AGMO: variants seen among roughly 807,000 people sequenced by gnomAD.
AGMO encodes the protein glyceryl-ether monooxygenase.
In AGMO, 75 loss-of-function variants were observed where a neutral mutation model predicts 60.2. The observed-to-expected ratio is 1.25, with a 90% confidence interval of 1.03 to 1.51. The LOEUF (loss-of-function observed/expected upper bound fraction) is 1.51, where lower values mean the gene tolerates loss of function less well. AGMO is among the 40% of genes most tolerant of loss of function. The pLI, the probability that AGMO is intolerant of heterozygous loss-of-function variation, is 0.00. For missense variants in AGMO, 763 were observed against 525.5 expected, an observed-to-expected ratio of 1.45 and a Z score of -4.42; for synonymous variants, 261 against 177.1, an observed-to-expected ratio of 1.47 and a Z score of -3.76.
chr7:15,382,101 CAACA>C (rs1783717543), intron 10 of AGMO, among the ~76,000 whole-genome samples: 1 of 152,072 alleles, frequency 6.6e-6, no homozygotes, highest in Non-Finnish European at 1.5e-5. Context: ...ATAATCCATA[CAACA>C]AACCCCTCAT....
chr7:15,427,924 A>T (rs558999404), intron 4 of AGMO, among the ~76,000 whole-genome samples: 1 of 148,860 alleles, frequency 6.7e-6, no homozygotes, highest in Non-Finnish European at 1.5e-5. Flanking sequence ...TTGAATTCTT[A>T]TGTGTAACTT....
chr7:15,446,398 A>C (rs1239976216), intron 3 of AGMO, among the ~76,000 whole-genome samples: 2 of 151,752 alleles, frequency 1.3e-5, no homozygotes, highest in African/African-American at 2.4e-5. Context: ...ATAAATGACC[A>C]AAAAAAACCC....
At chr7:15,354,370 ACGTGTG>A (rs1782390034) in intron 12 of AGMO, among the ~76,000 whole-genome samples, 1 of 62,856 alleles carries the variant, frequency 1.6e-5, no homozygotes, top group African/African-American at 1.1e-4. Flanking sequence ...GTGTATATAG[ACGTGTG>A]TATACACGTG....
intron 12 of AGMO, among the ~76,000 whole-genome samples, chr7:15,346,834 A>T (rs1219759000): frequency 6.7e-6 from 1 of 149,482 alleles, no homozygotes; most frequent in African/African-American, 2.5e-5. Flanking sequence ...TTTTAAAATT[A>T]GAACTTGTTT....
chr7:15,123,539 C>T, the AGMO span, among the ~76,000 whole-genome samples: 6 of 151,966 alleles, frequency 3.9e-5, no homozygotes, highest in South Asian at 2.1e-4. Context: ...TCAAAATTTA[C>T]AATGCTCTCT....
intron 3 of AGMO, among the ~76,000 whole-genome samples, chr7:15,445,493 T>G (rs1781677138): frequency 6.6e-6 from 1 of 152,178 alleles, no homozygotes; most frequent in South Asian, 2.1e-4. Flanking sequence ...TATAGATTTC[T>G]TAACCATTTA....
intron 5 of AGMO, among the ~76,000 whole-genome samples, chr7:15,409,267 T>C (rs113277967): frequency 0.035 from 5,297 of 152,054 alleles, 152 homozygotes; most frequent in Non-Finnish European, 0.052. Flanking sequence ...TTACAACTGA[T>C]CTTGGCCTTA....
At chr7:15,322,975 A>ATT (rs1216815415) in intron 12 of AGMO, among the ~76,000 whole-genome samples, 1 of 43,760 alleles carries the variant, frequency 2.3e-5, no homozygotes, top group Admixed American at 4.0e-4. Context: ...GTGTATATAT[A>ATT]TATGTATTTA....
At chr7:15,446,699 A>G (rs1781707214) in intron 3 of AGMO, among the ~76,000 whole-genome samples, 1 of 152,224 alleles carries the variant, frequency 6.6e-6, no homozygotes, top group Non-Finnish European at 1.5e-5. Context: ...AAGTAATTTC[A>G]GTGCATATTT....
intron 12 of AGMO, among the ~76,000 whole-genome samples, chr7:15,358,678 A>G (rs553806836): frequency 7.5e-4 from 114 of 152,290 alleles, no homozygotes; most frequent in African/African-American, 2.6e-3. Context: ...CCACTCCTAG[A>G]TAACTCAAAT....
chr7:15,356,653 C>T (rs1267616928), intron 12 of AGMO, among the ~76,000 whole-genome samples: 1 of 151,712 alleles, frequency 6.6e-6, no homozygotes. Flanking sequence ...TAATACTTGA[C>T]TGGTATTATA....
chr7:15,307,509 T>C (rs1343354778), intron 12 of AGMO, among the ~76,000 whole-genome samples: 2 of 151,838 alleles, frequency 1.3e-5, no homozygotes, highest in African/African-American at 4.8e-5. Context: ...CTGAAATAAA[T>C]CAGTAAAGTA....
intron 12 of AGMO, among the ~76,000 whole-genome samples, chr7:15,341,704 TGA>T (rs1781853269): frequency 6.6e-6 from 1 of 151,834 alleles, no homozygotes; most frequent in Non-Finnish European, 1.5e-5. Context: ...AAAACATACC[TGA>T]GAGAGTGGGT....
the AGMO span, among the ~76,000 whole-genome samples, chr7:15,193,235 T>C: frequency 5.6e-5 from 5 of 88,720 alleles, no homozygotes; most frequent in Non-Finnish European, 1.0e-4. Flanking sequence ...ATACAGCAAA[T>C]GTATGATATT....
At chr7:15,341,101 T>G (rs1235094201) in intron 12 of AGMO, among the ~76,000 whole-genome samples, 1 of 152,078 alleles carries the variant, frequency 6.6e-6, no homozygotes, top group Non-Finnish European at 1.5e-5. Flanking sequence ...AGCTTGAAGG[T>G]CTTTGACATG....
At chr7:15,168,394 T>A in the AGMO span, among the ~76,000 whole-genome samples, 3 of 152,232 alleles carry the variant, frequency 2.0e-5, no homozygotes, top group African/African-American at 7.2e-5. Context: ...GTTAGATCAA[T>A]GTTTCCTGTT....
chr7:15,293,630 T>G (rs1469188738), intron 12 of AGMO, among the ~76,000 whole-genome samples: 2 of 152,170 alleles, frequency 1.3e-5, no homozygotes. Context: ...CTCACACCAA[T>G]GATTAAATTC....
At chr7:15,169,227 T>G in the AGMO span, among the ~76,000 whole-genome samples, 5 of 152,186 alleles carry the variant, frequency 3.3e-5, no homozygotes, top group Non-Finnish European at 5.9e-5. Flanking sequence ...CTTTTGGCTT[T>G]GCAAGCCAGG....
chr7:15,126,459 G>A, the AGMO span, among the ~76,000 whole-genome samples: 1 of 152,024 alleles, frequency 6.6e-6, no homozygotes. Context: ...AATAAAGAAT[G>A]TGTACTCCTG....
Sources: allele counts gnomAD v4.1 joint callset (sites outside exome capture counted in the v4.1 genomes callset), GRCh38; gene constraint gnomAD v4.1.1; transcripts MANE v1.5; gene names NCBI Gene and HGNC (gene_info 2026-07-23, HGNC 2026-07-21).